The following WWOX variants were observed in gnomAD, a reference collection of about 807,000 sequenced individuals.
The protein encoded by WWOX is WW domain containing oxidoreductase.
Under a neutral mutation model 46.2 loss-of-function variants are expected in WWOX, and 69 were observed. The ratio of observed to expected loss-of-function variants is 1.49; its 90% CI spans 1.23 to 1.82. The LOEUF is 1.82. WWOX is among the 40% of genes most tolerant of loss of function. The pLI is 0.00. For missense variants in WWOX, 919 were observed against 542.6 expected, an observed-to-expected ratio of 1.69 and a Z score of -6.89; for synonymous variants, 359 against 202.6, an observed-to-expected ratio of 1.77 and a Z score of -6.56.
chr16:78,713,869 T>A (rs1251979558), intron 8 of WWOX, among the ~76,000 whole-genome samples: 2 of 152,168 alleles, frequency 1.3e-5, no homozygotes, highest in African/African-American at 4.8e-5. Flanking sequence ...GCCAGGGTCC[T>A]GATCTGAATA....
rs369506706 is a variant in WWOX, at chr16:78,898,874, A to G, written c.1057-312734A>G. 19 of 152,138 alleles carry G rather than the reference A, an allele frequency of 1.2e-4. No individual in the cohort carries two copies. In the East Asian group the frequency reaches 2.3e-3, roughly 19 times the overall value. The allele number at this position is 152,138 out of a possible 1,614,324, so 9.4% of individuals were successfully genotyped here. A position where few individuals can be genotyped will look rare whatever the true frequency, so the allele number is the denominator to read the frequency against. ...CTTACACATTTGATTTTTTTATGCT[A>G]TTGTAAATGGCATTATAAAATTTCT... On this transcript the variant is annotated intron_variant, in intron 8 of 8. Coordinates refer to ENST00000566780, the MANE Select transcript of WWOX (RefSeq NM_016373.4).
intron 8 of WWOX, among the ~76,000 whole-genome samples, chr16:78,804,138 C>G (rs751386716): frequency 2.2e-4 from 33 of 152,140 alleles, no homozygotes; most frequent in Admixed American, 6.5e-4. Context: ...TAGCATGTGT[C>G]CTGTCGCTGT....
chr16:79,076,302 G>C (rs765019710), intron 8 of WWOX, among the ~76,000 whole-genome samples: 1 of 152,176 alleles, frequency 6.6e-6, no homozygotes, highest in Non-Finnish European at 1.5e-5. Flanking sequence ...CTAGTATCTG[G>C]ATGACTTGAT....
intron 5 of WWOX, among the ~76,000 whole-genome samples, chr16:78,208,613 T>C (rs2036466911): frequency 6.6e-6 from 1 of 152,214 alleles, no homozygotes; most frequent in Non-Finnish European, 1.5e-5. Flanking sequence ...ATTTATGTAA[T>C]TGGGTTTTAT....
intron 4 of WWOX, among the ~76,000 whole-genome samples, chr16:78,135,297 C>T (rs771631729): frequency 2.0e-5 from 3 of 152,170 alleles, no homozygotes; most frequent in Non-Finnish European, 4.4e-5. Context: ...TAGAGCTCTA[C>T]TGTGGTTTAC....
intron 8 of WWOX, among the ~76,000 whole-genome samples, chr16:78,798,620 G>C (rs1490546767): frequency 6.8e-6 from 1 of 147,968 alleles, no homozygotes; most frequent in Non-Finnish European, 1.5e-5. Context: ...GAGATTTACA[G>C]TGATCTTTCC....
intron 5 of WWOX, among the ~76,000 whole-genome samples, chr16:78,352,945 T>C (rs2081213788): frequency 6.6e-6 from 1 of 152,254 alleles, no homozygotes; most frequent in Non-Finnish European, 1.5e-5. Context: ...TATTTTATTC[T>C]TTAATGATTT....
At chr16:78,773,200 G>A (rs1396109916) in intron 8 of WWOX, among the ~76,000 whole-genome samples, 1 of 152,152 alleles carries the variant, frequency 6.6e-6, no homozygotes, top group African/African-American at 2.4e-5. Flanking sequence ...CATTTGTTGG[G>A]CAGTTAATAT....
At chr16:78,660,020 T>A (rs1393353585) in intron 8 of WWOX, among the ~76,000 whole-genome samples, 1 of 152,216 alleles carries the variant, frequency 6.6e-6, no homozygotes, top group Non-Finnish European at 1.5e-5. Context: ...CATTTCCTAT[T>A]ATTTTACCTC....
intron 8 of WWOX, among the ~76,000 whole-genome samples, chr16:78,670,146 G>T (rs1291370969): frequency 2.0e-5 from 3 of 152,120 alleles, no homozygotes; most frequent in African/African-American, 7.2e-5. Flanking sequence ...GGCCAGCTGA[G>T]CTCTTATTCA....
chr16:79,163,941 T>C (rs1483438972), intron 8 of WWOX, among the ~76,000 whole-genome samples: 1 of 150,052 alleles, frequency 6.7e-6, no homozygotes, highest in Admixed American at 6.6e-5. Context: ...CTGCCGTTTC[T>C]AGCCCAGCCC....
At chr16:78,510,185 A>T (rs1045456528) in intron 8 of WWOX, among the ~76,000 whole-genome samples, 1 of 152,158 alleles carries the variant, frequency 6.6e-6, no homozygotes, top group Non-Finnish European at 1.5e-5. Flanking sequence ...ATGTATCAAA[A>T]TATGTCTGTC....
chr16:78,827,945 T>C (rs2051709102), intron 8 of WWOX, among the ~76,000 whole-genome samples: 1 of 152,184 alleles, frequency 6.6e-6, no homozygotes, highest in Non-Finnish European at 1.5e-5. Context: ...GTAAGGGGGC[T>C]AAGCTGGTTG....
chr16:78,435,446 T>C (rs1221024650), intron 8 of WWOX, among the ~76,000 whole-genome samples: 1 of 152,218 alleles, frequency 6.6e-6, no homozygotes, highest in Non-Finnish European at 1.5e-5. Flanking sequence ...ACAAATGTCC[T>C]CTGGGAGCAG....
intron 8 of WWOX, among the ~76,000 whole-genome samples, chr16:78,984,546 G>A (rs2046747244): frequency 1.3e-5 from 2 of 152,310 alleles, no homozygotes; most frequent in Admixed American, 6.5e-5. Context: ...AGCCCTGTGG[G>A]ATGACTCACA....
At chr16:79,099,561 A>G (rs1349882086) in intron 8 of WWOX, among the ~76,000 whole-genome samples, 3 of 149,646 alleles carry the variant, frequency 2.0e-5, no homozygotes, top group Non-Finnish European at 4.4e-5. Flanking sequence ...CTAGAAATGT[A>G]GATTGTGTGT....
intron 8 of WWOX, among the ~76,000 whole-genome samples, chr16:78,588,563 G>A (rs945626988): frequency 6.6e-6 from 1 of 152,192 alleles, no homozygotes; most frequent in African/African-American, 2.4e-5. Flanking sequence ...GCTTGCAGAA[G>A]CTGCCTGGAG....
chr16:79,148,946 T>G (rs1241572262), intron 8 of WWOX, among the ~76,000 whole-genome samples: 1 of 152,160 alleles, frequency 6.6e-6, no homozygotes. Flanking sequence ...TTTTTGAGAT[T>G]TCTTGGGATT....
chr16:78,474,746 TC>T (rs1037625667), intron 8 of WWOX, among the ~76,000 whole-genome samples: 4 of 152,126 alleles, frequency 2.6e-5, no homozygotes, highest in African/African-American at 9.7e-5. Context: ...CTTCAACTCT[TC>T]CCCAGCCTCT....
Sources: gnomAD v4.1 joint callset for allele counts (sites outside exome capture counted in the v4.1 genomes callset) on GRCh38, gnomAD v4.1.1 for gene constraint, MANE v1.5 for transcripts, NCBI Gene and HGNC (gene_info 2026-07-23, HGNC 2026-07-21) for gene names.